EYA1: variants seen among roughly 807,000 people sequenced by gnomAD.
The protein encoded by EYA1 is protein phosphatase EYA1.
In EYA1, 16 loss-of-function variants were observed where a neutral mutation model predicts 82.0. That is an observed-to-expected ratio of 0.20 (90% CI 0.13 to 0.30). The LOEUF is 0.30. EYA1 is among the 10% of genes least tolerant of loss of function. EYA1 has a pLI of 1.00. For missense variants in EYA1, 633 were observed against 730.7 expected (o/e 0.87, Z 1.54); for synonymous variants, 261 against 264.4 (o/e 0.99, Z 0.12).
rs1806612471 is a variant in EYA1 at position 71,199,226 on chromosome 8, A to G, written c.*114T>C. Reference sequence around the variant, plus strand: ...AGGTCAAGACTGACAGCAACTGCGCATCACCAGGCGGAAATTGCTAAGTTC... The same window carrying G: ...AGGTCAAGACTGACAGCAACTGCGCGTCACCAGGCGGAAATTGCTAAGTTC... On this transcript the variant is annotated 3_prime_UTR_variant, in exon 18 of 18. Coordinates refer to ENST00000340726, the MANE Select transcript of EYA1 (RefSeq NM_000503.6). 1 of 755,136 alleles carries G rather than the reference A, an allele frequency of 1.3e-6. No individual in the cohort carries two copies. Among genetic ancestry groups the G allele is most frequent in the East Asian group, 2.7e-5 (1 of 37,296 alleles). The allele number at this position is 755,136 out of a possible 1,614,324, so 46.8% of individuals were successfully genotyped here. A position where few individuals can be genotyped will look rare whatever the true frequency, so the allele number is the denominator to read the frequency against.
intron 10 of EYA1, 66 bp downstream of exon 10, chr8:71,271,692 T>C (rs1816551197): frequency 6.3e-7 from 1 of 1,579,978 alleles, no homozygotes; most frequent in Admixed American, 1.7e-5. Context: ...ACGTAGCAGG[T>C]ATGTAAAACC....
intron 11 of EYA1, among the ~76,000 whole-genome samples, chr8:71,251,942 A>G (rs970143251): frequency 2.6e-5 from 4 of 152,178 alleles, no homozygotes; most frequent in Non-Finnish European, 5.9e-5. Context: ...ATGCCATTAA[A>G]TACAGTCTCT....
intron 7 of EYA1, 112 bp from the exon 8 acceptor site, chr8:71,299,832 A>G (rs1212108195): frequency 2.7e-6 from 2 of 731,922 alleles, no homozygotes; most frequent in Non-Finnish European, 5.0e-6. Flanking sequence ...CTTCGACACT[A>G]GAATCTGTTG....
intron 11 of EYA1, among the ~76,000 whole-genome samples, chr8:71,267,943 T>C (rs891955412): frequency 2.6e-5 from 4 of 152,222 alleles, no homozygotes; most frequent in African/African-American, 9.6e-5. Flanking sequence ...AAAGTTCTAA[T>C]GATTGACACA....
intron 2 of EYA1, among the ~76,000 whole-genome samples, chr8:71,390,945 AT>A (rs1733747168): frequency 6.6e-6 from 1 of 151,760 alleles, no homozygotes; most frequent in East Asian, 1.9e-4. Flanking sequence ...AATATATTGT[AT>A]TTTTCAATAT....
At chr8:71,449,886 G>T (rs1450013620) in intron 2 of EYA1, among the ~76,000 whole-genome samples, 1 of 152,316 alleles carries the variant, frequency 6.6e-6, no homozygotes, top group Non-Finnish European at 1.5e-5. Context: ...GAAACTTACT[G>T]CATCTTCTGC....
intron 2 of EYA1, among the ~76,000 whole-genome samples, chr8:71,419,804 G>T (rs2129148178): frequency 6.6e-6 from 1 of 151,796 alleles, no homozygotes; most frequent in East Asian, 1.9e-4. Context: ...TTATGTATTT[G>T]ATAAATGAAT....
At chr8:71,223,038 A>T (rs2128868769) in intron 12 of EYA1, among the ~76,000 whole-genome samples, 1 of 152,308 alleles carries the variant, frequency 6.6e-6, no homozygotes, top group African/African-American at 2.4e-5. Flanking sequence ...GCAGGCCTTT[A>T]AATGACTGGT....
chr8:71,289,289 C>A (rs1262157633), intron 9 of EYA1, among the ~76,000 whole-genome samples: 1 of 152,114 alleles, frequency 6.6e-6, no homozygotes, highest in East Asian at 1.9e-4. Context: ...GTTGGATTAT[C>A]CAAGATATCC....
At chr8:71,240,911 G>A (rs891347491) in intron 12 of EYA1, among the ~76,000 whole-genome samples, 1 of 152,114 alleles carries the variant, frequency 6.6e-6, no homozygotes, top group Non-Finnish European at 1.5e-5. Context: ...CAACCAGTCA[G>A]AAAGAGTCAT....
chr8:71,344,827 T>C (rs941095435), intron 3 of EYA1, among the ~76,000 whole-genome samples: 2 of 152,234 alleles, frequency 1.3e-5, no homozygotes, highest in Non-Finnish European at 2.9e-5. Context: ...ACAACCTCAA[T>C]CATATCAATG....
At chr8:71,339,783 T>C (rs1824915883) in intron 3 of EYA1, among the ~76,000 whole-genome samples, 1 of 152,236 alleles carries the variant, frequency 6.6e-6, no homozygotes, top group Non-Finnish European at 1.5e-5. Context: ...TGGTATAGAA[T>C]GAGCCTCATT....
chr8:71,524,462 A>G (rs546814974), intron 2 of EYA1, among the ~76,000 whole-genome samples: 18 of 152,370 alleles, frequency 1.2e-4, no homozygotes, highest in Admixed American at 1.2e-3. Flanking sequence ...CTTGTAAAAT[A>G]TGACTAGTAT....
intron 10 of EYA1, among the ~76,000 whole-genome samples, chr8:71,271,553 A>T (rs1816535409): frequency 1.3e-5 from 2 of 152,252 alleles, no homozygotes; most frequent in Admixed American, 6.5e-5. Flanking sequence ...CATATAGTTC[A>T]TAGGGAAGAA....
chr8:71,309,762 A>C (rs982259362), intron 7 of EYA1, among the ~76,000 whole-genome samples: 4 of 152,192 alleles, frequency 2.6e-5, no homozygotes, highest in African/African-American at 9.7e-5. Context: ...CCCACTTCAT[A>C]ATGAGGCAGG....
At chr8:71,220,750 C>G (rs1371753430) in intron 12 of EYA1, among the ~76,000 whole-genome samples, 1 of 152,110 alleles carries the variant, frequency 6.6e-6, no homozygotes, top group African/African-American at 2.4e-5. Context: ...AAATGCAATG[C>G]CAAGTGGGTG....
intron 1 of EYA1, among the ~76,000 whole-genome samples, chr8:71,543,764 AT>A (rs1005405294): frequency 4.6e-5 from 7 of 152,212 alleles, no homozygotes; most frequent in African/African-American, 1.4e-4. Context: ...AGAGATGAGG[AT>A]TAGGAAACAT....
At chr8:71,532,355 A>G (rs1182727627) in intron 2 of EYA1, among the ~76,000 whole-genome samples, 3 of 152,112 alleles carry the variant, frequency 2.0e-5, no homozygotes, top group African/African-American at 7.2e-5. Flanking sequence ...TGGAGCCAAA[A>G]TTACACTGGT....
chr8:71,205,775 T>C (rs977996014), intron 17 of EYA1, among the ~76,000 whole-genome samples: 3 of 152,098 alleles, frequency 2.0e-5, no homozygotes, highest in Non-Finnish European at 4.4e-5. Context: ...TTAAAAAAAG[T>C]AACAATCTCT....
Sources: gnomAD v4.1 joint callset for allele counts (sites outside exome capture counted in the v4.1 genomes callset) on GRCh38, gnomAD v4.1.1 for gene constraint, MANE v1.5 for transcripts, NCBI Gene and HGNC (gene_info 2026-07-23, HGNC 2026-07-21) for gene names.